The following NCKAP1 variants were observed in gnomAD, a reference collection of about 807,000 sequenced individuals.
The protein encoded by NCKAP1 is nck-associated protein 1.
NCKAP1 carries 21 observed loss-of-function variants against 151.2 expected under a neutral mutation model. The observed-to-expected ratio is 0.14, with a 90% CI of 0.10 to 0.20. The LOEUF is 0.20. Among genes scored for constraint, NCKAP1 ranks in the 10% least tolerant of loss-of-function variants. NCKAP1 has a pLI of 1.00. For missense variants in NCKAP1, 933 were observed against 1,352.1 expected (o/e 0.69, Z 4.86); for synonymous variants, 484 against 451.8 (o/e 1.07, Z -0.90).
chr2:183,011,361 T>TA (rs1698587146), intron 2 of NCKAP1, among the ~76,000 whole-genome samples: 1 of 152,204 alleles, frequency 6.6e-6, no homozygotes, highest in African/African-American at 2.4e-5. Context: ...TTTAGTAAAT[T>TA]AGAGTTGTGA....
intron 23 of NCKAP1, among the ~76,000 whole-genome samples, chr2:182,944,451 T>C (rs1348893084): frequency 6.6e-6 from 1 of 152,138 alleles, no homozygotes; most frequent in African/African-American, 2.4e-5. Flanking sequence ...ACAATTCTTT[T>C]GGCAGACTGG....
chr2:182,987,745 T>G (rs1256919113), intron 9 of NCKAP1, among the ~76,000 whole-genome samples: 1 of 152,172 alleles, frequency 6.6e-6, no homozygotes, highest in Non-Finnish European at 1.5e-5. Flanking sequence ...GCACATAATA[T>G]TTCAGGGTAT....
intron 4 of NCKAP1, among the ~76,000 whole-genome samples, chr2:183,002,478 A>C (rs917961092): frequency 6.6e-6 from 1 of 152,140 alleles, no homozygotes; most frequent in African/African-American, 2.4e-5. Flanking sequence ...TTATGGATGA[A>C]AGAAAAAGAG....
chr2:182,969,681 C>T (rs1697646407), intron 15 of NCKAP1, among the ~76,000 whole-genome samples: 1 of 151,792 alleles, frequency 6.6e-6, no homozygotes, highest in East Asian at 1.9e-4. Context: ...CAATAAACAC[C>T]TATATTAATA....
At chr2:183,011,164 T>A (rs146995110) in intron 2 of NCKAP1, among the ~76,000 whole-genome samples, 2 of 152,344 alleles carry the variant, frequency 1.3e-5, no homozygotes, top group Non-Finnish European at 2.9e-5. Flanking sequence ...TTAGAAAATA[T>A]ACTTGTTACA....
chr2:182,984,458 T>C (rs1015618406), intron 10 of NCKAP1, among the ~76,000 whole-genome samples: 11 of 133,848 alleles, frequency 8.2e-5, no homozygotes, highest in Middle Eastern at 3.9e-3. Context: ...GTGTTGCCTA[T>C]GCCAAAAACC....
rs764690986 is a variant in NCKAP1, at chr2:183,002,131, C to T, written c.508G>A (p.Ala170Thr). ...YNYAHEMTHG[A>T]SDREYPRLGQ... ...ACTTTTATAATGCAAATCTACCTTG[C>T]TCCATGAGTCATTTCATGGGCATAG... The change falls in exon 5 of 31, where the codon GCA (alanine) becomes ACA (threonine). Residue 170 changes from alanine (A) to threonine (T), a missense_variant. This residue lies in a region of NCKAP1 where 607 missense variants were observed against 795.0 expected (regional missense o/e 0.76). Transcript: ENST00000361354. 2 of 1,612,854 alleles carry T rather than the reference C, an allele frequency of 1.2e-6. No individual in the cohort carries two copies. Among genetic ancestry groups the T allele is most frequent in the Non-Finnish European group, 1.7e-6 (2 of 1,179,436 alleles).
intron 14 of NCKAP1, among the ~76,000 whole-genome samples, 161 bp downstream of exon 14, chr2:182,978,673 T>C (rs891826157): frequency 3.6e-4 from 54 of 152,096 alleles, no homozygotes; most frequent in African/African-American, 1.1e-3. Flanking sequence ...TTTTTGTAAA[T>C]AGCATCACAA....
chr2:183,001,972 T>C lies in NCKAP1; in HGVS notation c.584A>G (p.Glu195Gly), dbSNP rs1043330480. The stretch of plus-strand genomic sequence containing the variant: ...TCTTACCTTGCTATGGGGTACAAAT[T>C]CTTCCATCATCTTCTTTAAAGGGTT... Reference protein sequence around the residue: ...YENPLKKMMEEFVPHSKSLSD... With the variant: ...YENPLKKMMEGFVPHSKSLSD... The change falls in exon 6 of 31, where the codon GAA becomes GGA. Residue 195 changes from glutamate (E) to glycine (G), a missense_variant. Glu to Gly is a moderately conservative substitution (Grantham distance 98, BLOSUM62 -2). This residue lies in a region of NCKAP1 where 607 missense variants were observed against 795.0 expected (regional missense o/e 0.76). Transcript: ENST00000361354. 1 of 1,613,802 alleles carries C rather than the reference T, an allele frequency of 6.2e-7. No individual in the cohort carries two copies. The highest frequency in any genetic ancestry group is 1.3e-5 in the African/African-American group (1 of 75,036).
At chr2:182,944,530 G>A (rs995090020) in intron 23 of NCKAP1, among the ~76,000 whole-genome samples, 4 of 152,002 alleles carry the variant, frequency 2.6e-5, no homozygotes, top group African/African-American at 4.8e-5. Flanking sequence ...AAAAAAAGAC[G>A]GTTGCTTTCT....
chr2:182,930,143 C>A (rs1400817166), intron 27 of NCKAP1, among the ~76,000 whole-genome samples: 1 of 151,954 alleles, frequency 6.6e-6, no homozygotes, highest in Non-Finnish European at 1.5e-5. Flanking sequence ...CTTCCCTTTA[C>A]AATAGAACTC....
chr2:182,989,858 G>A (rs1234436782), intron 8 of NCKAP1, among the ~76,000 whole-genome samples: 2 of 151,976 alleles, frequency 1.3e-5, no homozygotes, highest in African/African-American at 2.4e-5. Flanking sequence ...AAATTAGACA[G>A]GAGTGTTGGT....
chr2:183,035,887 T>TA (rs751292920), intron 1 of NCKAP1, among the ~76,000 whole-genome samples: 3 of 152,158 alleles, frequency 2.0e-5, no homozygotes, highest in Non-Finnish European at 4.4e-5. Flanking sequence ...GAGTATCAGA[T>TA]AAGGCCCTAA....
intron 23 of NCKAP1, among the ~76,000 whole-genome samples, chr2:182,945,292 A>G (rs758338037): frequency 5.9e-5 from 9 of 151,926 alleles, no homozygotes; most frequent in East Asian, 1.9e-4. Context: ...GTACACGCCT[A>G]TATTTCTCAG....
Position 182,978,743 on chromosome 2 carries a change from TAGCCAAATTAATTGGTAAA to T in NCKAP1, c.1423+72_1423+90del, listed in dbSNP as rs1210847120. On this transcript the variant is annotated intron_variant, in intron 14 of 30. Coordinates refer to ENST00000361354, the MANE Select transcript of NCKAP1 (RefSeq NM_013436.5). ...ATTAAGATAAAAGATAATAGATCAT[TAGCCAAATTAATTGGTAAA>T]TTATCTCCTTAATAATCAAGTTTGA... 7 of 685,120 alleles carry T rather than the reference TAGCCAAATTAATTGGTAAA, an allele frequency of 1.0e-5. No individual in the cohort carries two copies. In the South Asian group the frequency reaches 2.6e-4, roughly 26 times the overall value. The allele number at this position is 685,120 out of a possible 1,614,324, so 42.4% of individuals were successfully genotyped here.
chr2:182,962,708 G>T (rs139335483), intron 17 of NCKAP1, among the ~76,000 whole-genome samples: 3,547 of 151,452 alleles, frequency 0.023, 60 homozygotes, highest in Middle Eastern at 0.054. Context: ...GCATAACTTT[G>T]TATAAACAGG....
At chr2:182,954,566 A>G (rs945667172) in intron 20 of NCKAP1, among the ~76,000 whole-genome samples, 4 of 152,130 alleles carry the variant, frequency 2.6e-5, no homozygotes, top group South Asian at 2.1e-4. Flanking sequence ...ACAAAAACCA[A>G]CCCACTAATA....
chr2:182,961,117 CTT>C (rs1000279707), intron 18 of NCKAP1, among the ~76,000 whole-genome samples: 1 of 152,132 alleles, frequency 6.6e-6, no homozygotes, highest in African/African-American at 2.4e-5. Context: ...AATAGGAACA[CTT>C]TTACACTGTT....
chr2:182,999,903 C>T (rs576827485), intron 6 of NCKAP1, among the ~76,000 whole-genome samples: 3 of 152,204 alleles, frequency 2.0e-5, no homozygotes, highest in South Asian at 2.1e-4. Context: ...AATGCACAAA[C>T]GGAAAACCAA....
Sources: allele counts gnomAD v4.1 joint callset (sites outside exome capture counted in the v4.1 genomes callset), GRCh38; gene constraint gnomAD v4.1.1; regional missense constraint gnomAD v4.1.1; transcripts MANE v1.5; gene names NCBI Gene and HGNC (gene_info 2026-07-23, HGNC 2026-07-21).